The following PAX3 variants were observed in gnomAD, a reference collection of about 807,000 sequenced individuals.
PAX3 encodes paired box 3, also known as paired box protein Pax-3.
PAX3 carries 14 observed loss-of-function variants against 51.6 expected under a neutral mutation model. The ratio of observed to expected loss-of-function variants is 0.27; its 90% CI spans 0.18 to 0.42. The LOEUF (loss-of-function observed/expected upper bound fraction) is 0.42. Among genes scored for constraint, PAX3 ranks in the 10% least tolerant of loss-of-function variants. The probability of loss-of-function intolerance (pLI) is 1.00; values close to 1 mark genes in which losing one functional copy is unlikely to be tolerated. For synonymous variants in PAX3, 280 were observed against 253.4 expected, an observed-to-expected ratio of 1.11 and a Z score of -1.00; for missense variants, 540 against 642.8, an observed-to-expected ratio of 0.84 and a Z score of 1.73.
chr2:222,229,358 A>C (rs1692501719), intron 5 of PAX3, among the ~76,000 whole-genome samples: 1 of 152,022 alleles, frequency 6.6e-6, no homozygotes, highest in Non-Finnish European at 1.5e-5. Context: ...CTTAGTTAAT[A>C]AAGGTTATTT....
chr2:222,277,193 T>C (rs1326220134), intron 4 of PAX3, among the ~76,000 whole-genome samples: 1 of 152,168 alleles, frequency 6.6e-6, no homozygotes, highest in African/African-American at 2.4e-5. Context: ...TTTACAAAAA[T>C]CTAATGACAC....
chr2:222,248,084 A>G (rs1693293763), intron 4 of PAX3, among the ~76,000 whole-genome samples: 1 of 152,150 alleles, frequency 6.6e-6, no homozygotes, highest in Non-Finnish European at 1.5e-5. Flanking sequence ...ATTATTCACA[A>G]ATTTTTTTCA....
chr2:222,259,680 CTT>C (rs953162378), intron 4 of PAX3, among the ~76,000 whole-genome samples: 3 of 152,036 alleles, frequency 2.0e-5, no homozygotes, highest in Admixed American at 6.6e-5. Context: ...AAAATTAAAA[CTT>C]AATAAATTTT....
chr2:222,253,820 C>T (rs1693531744), intron 4 of PAX3, among the ~76,000 whole-genome samples: 1 of 151,860 alleles, frequency 6.6e-6, no homozygotes, highest in African/African-American at 2.4e-5. Flanking sequence ...CACCACATCC[C>T]ACTAATTTTT....
intron 5 of PAX3, among the ~76,000 whole-genome samples, chr2:222,224,084 G>A (rs866519744): frequency 6.6e-6 from 1 of 152,194 alleles, no homozygotes; most frequent in African/African-American, 2.4e-5. Flanking sequence ...CAGAGTAAGA[G>A]TATAAGGGTT....
At chr2:222,212,438 G>A (rs191261154) in intron 7 of PAX3, among the ~76,000 whole-genome samples, 2 of 152,112 alleles carry the variant, frequency 1.3e-5, no homozygotes, top group Admixed American at 6.6e-5. Context: ...GTCCCCAAAC[G>A]TCTCCCAATT....
rs1197323370 is a variant in PAX3 at position 222,220,261 on chromosome 2, C to A, written c.1052G>T (p.Ser351Ile). 1.2e-6 allele frequency: 2 copies of A among 1,613,910 alleles called. No homozygotes were observed. Among genetic ancestry groups the A allele is most frequent in the African/African-American group, 2.7e-5 (2 of 74,904 alleles). The change falls in exon 7 of 9, where the codon AGC (serine) becomes ATC (isoleucine). Residue 351 changes from serine (S) to isoleucine (I), a missense_variant. By Grantham distance (142) the Ser-to-Ile change is moderately radical (BLOSUM62 -2). Coordinates refer to ENST00000392070, the MANE Select transcript of PAX3 (RefSeq NM_181458.4). ...GGTGCTGGGGAGGCAGTAGGCAGAG[C>A]TGCTGTCTGGGTTGGAAGGAATCGT... ...QSTIPSNPDS[S>I]SAYCLPSTRH...
chr2:222,260,591 GTTTTTTTTTT>G (rs374339768), intron 4 of PAX3, among the ~76,000 whole-genome samples: 2 of 63,072 alleles, frequency 3.2e-5, no homozygotes, highest in East Asian at 5.1e-4. Context: ...TTTTTTTTTT[GTTTTTTTTTT>G]TTTTTTTTGA....
chr2:222,241,147 G>T (rs987196391), intron 4 of PAX3, among the ~76,000 whole-genome samples: 7 of 152,194 alleles, frequency 4.6e-5, no homozygotes, highest in South Asian at 2.1e-4. Context: ...ACTGGGATTG[G>T]ATTGCAAGGG....
Position 222,201,024 on chromosome 2 carries a change from TA to T in PAX3, c.*383del. 1 of 811,872 alleles carries T rather than the reference TA, an allele frequency of 1.2e-6. No individual in the cohort carries two copies. The highest frequency in any genetic ancestry group is 2.0e-6 in the Non-Finnish European group (1 of 497,932). The allele number at this position is 811,872 out of a possible 1,614,324, so 50.3% of individuals were successfully genotyped here. ...GTCTGCTTGCCCAAACCAGTCTGGG[TA>T]AATCTCAATACACACACACACACAC... On this transcript the variant is annotated 3_prime_UTR_variant, in exon 9 of 9. Transcript: ENST00000392070.
intron 4 of PAX3, among the ~76,000 whole-genome samples, chr2:222,290,515 C>A (rs900862341): frequency 4.6e-5 from 7 of 152,128 alleles, no homozygotes; most frequent in African/African-American, 1.7e-4. Flanking sequence ...GGAGGAAAGT[C>A]TTATGAGAGT....
intron 4 of PAX3, among the ~76,000 whole-genome samples, chr2:222,272,545 G>C (rs1291030733): frequency 6.6e-6 from 1 of 152,140 alleles, no homozygotes; most frequent in Non-Finnish European, 1.5e-5. Flanking sequence ...GTTGATGGAG[G>C]CTCATGTTTA....
chr2:222,204,203 T>C (rs987032607), intron 7 of PAX3, among the ~76,000 whole-genome samples: 31 of 152,180 alleles, frequency 2.0e-4, no homozygotes, highest in African/African-American at 5.5e-4. Context: ...ATCAATAGGA[T>C]TGACAATTCC....
At position 222,249,576 on chromosome 2, in the gene PAX3, TTCCGATTTGGGAAGATCCAC is replaced by T. The variant is rs530690867; in HGVS notation, c.587-17313_587-17294del. On this transcript the variant is annotated intron_variant, in intron 4 of 8. Transcript: ENST00000392070. ...CATGTTTTGCAGAGGTTTGAAGCTT[TTCCGATTTGGGAAGATCCAC>T]TTTAAGAACACAAAACTAGCTTTCT... is the stretch of plus-strand genomic sequence containing the variant. Among the ~76,000 whole-genome samples the T allele has an allele frequency of 1.1e-3, 172 of 152,344 alleles. 2 individuals carry two copies. In the South Asian group the frequency reaches 0.025, roughly 23 times the overall value.
At chr2:222,297,485 C>T (rs536227704) in intron 1 of PAX3, among the ~76,000 whole-genome samples, 12 of 152,274 alleles carry the variant, frequency 7.9e-5, no homozygotes, top group African/African-American at 2.9e-4. Flanking sequence ...CCTTCGGGCC[C>T]GGGGAGTGGC....
At chr2:222,247,002 A>AT (rs2106119411) in intron 4 of PAX3, among the ~76,000 whole-genome samples, 1 of 152,344 alleles carries the variant, frequency 6.6e-6, no homozygotes, top group South Asian at 2.1e-4. Context: ...TTGTCTTTGT[A>AT]TAACTCAGGT....
At chr2:222,283,318 G>A (rs1413158637) in intron 4 of PAX3, among the ~76,000 whole-genome samples, 1 of 152,088 alleles carries the variant, frequency 6.6e-6, no homozygotes, top group African/African-American at 2.4e-5. Context: ...TCTGCCAAAG[G>A]GGGAAGATAA....
intron 4 of PAX3, among the ~76,000 whole-genome samples, chr2:222,235,079 A>T (rs915806041): frequency 2.0e-5 from 3 of 152,184 alleles, no homozygotes; most frequent in Non-Finnish European, 4.4e-5. Context: ...CTCTGGGGTT[A>T]TTAAATTCTT....
chr2:222,234,331 A>G (rs1692718781), intron 4 of PAX3, among the ~76,000 whole-genome samples: 1 of 152,192 alleles, frequency 6.6e-6, no homozygotes, highest in African/African-American at 2.4e-5. Context: ...ATATTTTACT[A>G]CTAACTTAAA....
Sources: gnomAD v4.1 joint callset for allele counts (sites outside exome capture counted in the v4.1 genomes callset) on GRCh38, gnomAD v4.1.1 for gene constraint, MANE v1.5 for transcripts, NCBI Gene and HGNC (gene_info 2026-07-23, HGNC 2026-07-21) for gene names.